Variants in ITGA2B observed in about 807,000 individuals in gnomAD.
ITGA2B encodes integrin alpha-IIb.
Under a neutral mutation model 142.0 loss-of-function variants are expected in ITGA2B, and 91 were observed. That is an observed-to-expected ratio of 0.64 (90% CI 0.54 to 0.76). The LOEUF (loss-of-function observed/expected upper bound fraction) is 0.76. ITGA2B is among the 30% of genes least tolerant of loss of function. The pLI, the probability that ITGA2B is intolerant of heterozygous loss-of-function variation, is 0.00. For synonymous variants in ITGA2B, 536 were observed against 567.2 expected, an observed-to-expected ratio of 0.94 and a Z score of 0.78; for missense variants, 1,231 against 1,350.8, an observed-to-expected ratio of 0.91 and a Z score of 1.39.
rs2048637613 is a variant in ITGA2B at position 44,385,434 on chromosome 17, G to T, written c.575-99C>A. Reference sequence around the variant, plus strand: ...GACAGGGGCGGGGCCTTGAGTCGGCGGGGCCCTGGGGCGAGGCCAGATCCA... The same window carrying T: ...GACAGGGGCGGGGCCTTGAGTCGGCTGGGCCCTGGGGCGAGGCCAGATCCA... On this transcript the variant is annotated intron_variant, in intron 4 of 29. Coordinates refer to ENST00000262407, the MANE Select transcript of ITGA2B (RefSeq NM_000419.5). 6.5e-6 allele frequency: 10 copies of T among 1,527,012 alleles called. No individual in the cohort carries two copies. The South Asian group carries it at 1.1e-4, about 16-fold the overall frequency. The allele number at this position is 1,527,012 out of a possible 1,614,324, so 94.6% of individuals were successfully genotyped here.
At position 44,385,189 on chromosome 17, in the gene ITGA2B, C is replaced by T. The variant is rs749992750; in HGVS notation, c.645G>A (p.Gly215=). ...CTAAGAAATAATAGCCGCCAGGAGC[C>T]CCAAGCACCAGCTCTCCGGCCTGGA... The part of the protein sequence containing the change: ...VVTQAGELVL[G]APGGYYFLGL... The change falls in exon 6 of 30, where the codon GGG becomes GGA. Residue 215 remains glycine, a synonymous_variant. Coordinates refer to ENST00000262407, the MANE Select transcript of ITGA2B (RefSeq NM_000419.5). The T allele has an allele frequency of 1.2e-5, 20 of 1,613,912 alleles. No individual in the cohort carries two copies. The South Asian group carries it at 2.0e-4, about 16-fold the overall frequency.
In ITGA2B at chr17:44,379,505, C is replaced by T. The variant is rs570663439; in HGVS notation, c.1878+184G>A. Among the ~76,000 whole-genome samples the T allele has an allele frequency of 3.6e-3, 542 of 151,194 alleles. 1 individual carries two copies. The highest frequency in any genetic ancestry group is 0.012 in the African/African-American group (510 of 41,158). The stretch of plus-strand genomic sequence containing the variant: ...CTGACCTCAGGCAATCTGCCTGCCT[C>T]GGTCTCCCAAAGTGCTGGGATTACA... On this transcript the variant is annotated intron_variant, in intron 18 of 29. Coordinates refer to ENST00000262407, the MANE Select transcript of ITGA2B (RefSeq NM_000419.5).
chr17:44,383,225 C>A (rs1475384253), intron 12 of ITGA2B, among the ~76,000 whole-genome samples: 1 of 152,112 alleles, frequency 6.6e-6, no homozygotes, highest in East Asian at 1.9e-4. Flanking sequence ...AATCCGAGTC[C>A]TAAATATCTG....
At position 44,385,498 on chromosome 17, in the gene ITGA2B, G is replaced by A; in HGVS notation, c.574+53C>T. 3.9e-6 allele frequency: 6 copies of A among 1,532,388 alleles called. No individual in the cohort carries two copies. In the South Asian group the frequency reaches 4.8e-5, roughly 12 times the overall value. 94.9% of individuals were successfully genotyped at this position (1,532,388 alleles called of 1,614,324 possible). ...GGCGCTGGGGGCGGGATCCGATGGG[G>A]GCGGGGCCAAGCCGTCGCGAGTGGG... On this transcript the variant is annotated intron_variant, in intron 4 of 29. Coordinates refer to ENST00000262407, the MANE Select transcript of ITGA2B (RefSeq NM_000419.5).
intron 27 of ITGA2B, 109 bp from the exon 28 acceptor site, chr17:44,374,869 A>G: frequency 8.0e-7 from 1 of 1,253,518 alleles, no homozygotes; most frequent in Non-Finnish European, 1.1e-6. Context: ...ACCTAATCCC[A>G]CTGCAATCCC....
chr17:44,384,512 A>C (rs1244585785), intron 8 of ITGA2B, 26 bp downstream of exon 8: 2 of 1,613,606 alleles, frequency 1.2e-6, no homozygotes, highest in African/African-American at 1.3e-5. Flanking sequence ...GGGCTACCCA[A>C]CTCCCGCCCT....
In ITGA2B at chr17:44,386,223, GGC is replaced by G. The variant is rs1159206139; in HGVS notation, c.189-94_189-93del. On this transcript the variant is annotated intron_variant, in intron 1 of 29. Coordinates refer to ENST00000262407, the MANE Select transcript of ITGA2B (RefSeq NM_000419.5). ...GGGAGCACTGCCCGGAAGGCCATGT[GGC>G]ATGGGGGCACTGGACCATCTTTCCT... The G allele has an allele frequency of 6.6e-6, 10 of 1,523,456 alleles. No homozygotes were observed. The African/African-American group carries it at 1.4e-4, about 21-fold the overall frequency. The allele number at this position is 1,523,456 out of a possible 1,614,324, so 94.4% of individuals were successfully genotyped here.
At chr17:44,380,346 G>A (rs1167724300) in intron 15 of ITGA2B, 40 bp downstream of exon 15, 1 of 1,614,116 alleles carries the variant, frequency 6.2e-7, no homozygotes, top group East Asian at 2.2e-5. Flanking sequence ...CCTTTCTGAG[G>A]TCCCAGATCC....
Position 44,372,275 on chromosome 17 carries a change from C to T in ITGA2B, c.*89G>A. The stretch of plus-strand genomic sequence containing the variant: ...CCAAGAGGACCCAATGGAACAGCTC[C>T]AACCCAAAGCTTGGAGGCAACTTGT... On this transcript the variant is annotated 3_prime_UTR_variant, in exon 30 of 30. Coordinates refer to ENST00000262407, the MANE Select transcript of ITGA2B (RefSeq NM_000419.5). 7.2e-7 allele frequency: 1 copy of T among 1,390,280 alleles called. No homozygotes were observed. The allele number at this position is 1,390,280 out of a possible 1,614,324, so 86.1% of individuals were successfully genotyped here. A position where few individuals can be genotyped will look rare whatever the true frequency, so the allele number is the denominator to read the frequency against.
At chr17:44,383,842 C>G in intron 11 of ITGA2B, 52 bp downstream of exon 11, 2 of 1,605,098 alleles carry the variant, frequency 1.2e-6, no homozygotes, top group Non-Finnish European at 1.7e-6. Flanking sequence ...CAGAGGGCAG[C>G]TCTGGTAATT....
Position 44,389,584 on chromosome 17 carries a change from C to G in ITGA2B, c.-111G>C. The G allele has an allele frequency of 8.0e-7, 1 of 1,246,468 alleles. No individual in the cohort carries two copies. Among genetic ancestry groups the G allele is most frequent in the African/African-American group, 1.5e-5 (1 of 67,440 alleles). The allele number at this position is 1,246,468 out of a possible 1,614,324, so 77.2% of individuals were successfully genotyped here. A position where few individuals can be genotyped will look rare whatever the true frequency, so the allele number is the denominator to read the frequency against. ...TCAAACTGGAACCCCAAGTAACTTG[C>G]TGAGCAACGGGCAGAGCAAAGGGCT... On this transcript the variant is annotated 5_prime_UTR_variant, in exon 1 of 30. Coordinates refer to ENST00000262407, the MANE Select transcript of ITGA2B (RefSeq NM_000419.5).
Position 44,384,299 on chromosome 17 carries a change from G to A in ITGA2B, c.891+12C>T, listed in dbSNP as rs773801998. The A allele has an allele frequency of 1.2e-6, 2 of 1,610,510 alleles. No homozygotes were observed. The highest frequency in any genetic ancestry group is 1.1e-5 in the South Asian group (1 of 91,072). On this transcript the variant is annotated intron_variant, in intron 9 of 29. Coordinates refer to ENST00000262407, the MANE Select transcript of ITGA2B (RefSeq NM_000419.5). ...AAGGGGCTTCGGGAGGCCCAGTGGT[G>A]GGGGCACTTACCGCTCCCAGGGTCC... is the stretch of plus-strand genomic sequence containing the variant.
chr17:44,384,235 TG>T, intron 9 of ITGA2B, 75 bp downstream of exon 9: 1 of 630,622 alleles, frequency 1.6e-6, no homozygotes, highest in South Asian at 1.5e-5. Flanking sequence ...GGGGCGGGGG[TG>T]GGGGGCGCTC....
At position 44,372,294 on chromosome 17, in the gene ITGA2B, A is replaced by G; in HGVS notation, c.*70T>C. The G allele has an allele frequency of 6.5e-7, 1 of 1,532,694 alleles. No individual in the cohort carries two copies. Among genetic ancestry groups the G allele is most frequent in the Non-Finnish European group, 9.0e-7 (1 of 1,106,534 alleles). The allele number at this position is 1,532,694 out of a possible 1,614,324, so 94.9% of individuals were successfully genotyped here. A position where few individuals can be genotyped will look rare whatever the true frequency, so the allele number is the denominator to read the frequency against. On this transcript the variant is annotated 3_prime_UTR_variant, in exon 30 of 30. Transcript: ENST00000262407. Reference sequence around the variant, plus strand: ...CAGCTCCAACCCAAAGCTTGGAGGCAACTTGTTGGAGAAGGGGCGGTGCAG... The same window carrying G: ...CAGCTCCAACCCAAAGCTTGGAGGCGACTTGTTGGAGAAGGGGCGGTGCAG...
chr17:44,389,136 C>CCTTGT, intron 1 of ITGA2B, 150 bp downstream of exon 1: 1 of 916,576 alleles, frequency 1.1e-6, no homozygotes, highest in Non-Finnish European at 1.8e-6. Flanking sequence ...CCCCTGGACC[C>CCTTGT]CAACATTCTT....
Position 44,377,693 on chromosome 17 carries a change from C to G in ITGA2B, c.2187+5G>C. On this transcript the variant is annotated splice_donor_5th_base_variant and intron_variant, in intron 21 of 29. Transcript: ENST00000262407. Reference sequence around the variant, plus strand: ...AGACCCGGTACCACGACCCAGCAGCCTCACCTGGGCGTTCTTCTTCATGGG... The same window carrying G: ...AGACCCGGTACCACGACCCAGCAGCGTCACCTGGGCGTTCTTCTTCATGGG... 1 of 1,611,556 alleles carries G rather than the reference C, an allele frequency of 6.2e-7. No homozygotes were observed. The highest frequency in any genetic ancestry group is 1.1e-5 in the South Asian group (1 of 91,032).
At chr17:44,372,944 A>G (rs987445168) in intron 29 of ITGA2B, among the ~76,000 whole-genome samples, 14 of 151,076 alleles carry the variant, frequency 9.3e-5, no homozygotes, top group Non-Finnish European at 7.4e-5. Context: ...TTTTTATTTT[A>G]TTTTTAGAGA....
At position 44,375,647 on chromosome 17, in the gene ITGA2B, G is replaced by A. The variant is rs200846140; in HGVS notation, c.2671C>T (p.Gln891Ter). The A allele has an allele frequency of 1.2e-6, 2 of 1,613,216 alleles. No homozygotes were observed. Among genetic ancestry groups the A allele is most frequent in the East Asian group, 4.5e-5 (2 of 44,836 alleles). ...TGCTCGGGCTCTGGCAGGAAGATCT[G>A]TCTGCGATCCCGCTTGTGATGGGCC... Reference protein sequence around the residue: ...HPAHHKRDRRQIFLPEPEQPS... With the variant: ...HPAHHKRDRR The change falls in exon 26 of 30, where the codon CAG becomes TAG. Residue 891 changes from glutamine (Q) to a stop codon, truncating the protein, a stop_gained. Coordinates refer to ENST00000262407, the MANE Select transcript of ITGA2B (RefSeq NM_000419.5). LOFTEE classifies it high-confidence loss of function.
Position 44,380,127 on chromosome 17 carries a change from G to A in ITGA2B, c.1627C>T (p.Arg543Trp), listed in dbSNP as rs143967758. ...CGCCGGCCCTGGCGGGGCTTCTGCCGGTCCAGCTGCAGCTCGGCATTTAGG... is the reference window on the plus strand; with the variant it reads ...CGCCGGCCCTGGCGGGGCTTCTGCCAGTCCAGCTGCAGCTCGGCATTTAGG... ...LSLNAELQLDRQKPRQGRRVL... is the reference protein window; with the variant it reads ...LSLNAELQLDWQKPRQGRRVL... The change falls in exon 17 of 30, where the codon CGG (arginine) becomes TGG (tryptophan). Residue 543 changes from arginine to tryptophan, a missense_variant. Arg to Trp is a moderately radical substitution (Grantham distance 101). This residue lies in a region of ITGA2B where 908 missense variants were observed against 1,021.1 expected (regional missense o/e 0.89). Coordinates refer to ENST00000262407, the MANE Select transcript of ITGA2B (RefSeq NM_000419.5). 6.4e-4 allele frequency: 1,026 copies of A among 1,613,786 alleles called. 6 individuals carry two copies. The African/African-American group carries it at 0.011, about 17-fold the overall frequency.
Sources: gnomAD v4.1 joint callset for allele counts (sites outside exome capture counted in the v4.1 genomes callset) on GRCh38, gnomAD v4.1.1 for gene constraint, gnomAD v4.1.1 regional missense constraint, MANE v1.5 for transcripts, NCBI Gene and HGNC (gene_info 2026-07-23, HGNC 2026-07-21) for gene names.